DNAH5: variants seen among roughly 807,000 people sequenced by gnomAD.
DNAH5 encodes the protein axonemal beta dynein heavy chain 5.
Under a neutral mutation model 518.2 loss-of-function variants are expected in DNAH5, and 372 were observed. The ratio of observed to expected loss-of-function variants is 0.72; its 90% CI spans 0.66 to 0.78. DNAH5 has a LOEUF of 0.78. Among genes scored for constraint, DNAH5 ranks in the 30% least tolerant of loss-of-function variants. DNAH5 has a pLI of 0.00. For synonymous variants in DNAH5, 2,039 were observed against 2,025.9 expected (o/e 1.01, Z -0.17); for missense variants, 5,523 against 5,687.0 (o/e 0.97, Z 0.93).
Position 13,938,490 on chromosome 5 carries a change from G to A in DNAH5, c.57+5892C>T, listed in dbSNP as rs1481892995. Reference sequence around the variant, plus strand: ...TTATTGTTGTTGTTAATCTTTTACTGCACCTAATTTATAAGTTAAAGTTTG... The same window carrying A: ...TTATTGTTGTTGTTAATCTTTTACTACACCTAATTTATAAGTTAAAGTTTG... On this transcript the variant is annotated intron_variant, in intron 1 of 78. Transcript: ENST00000265104. 2.0e-5 allele frequency among the ~76,000 whole-genome samples: 3 copies of A among 151,232 alleles called. No homozygotes were observed. In the East Asian group the frequency reaches 5.8e-4, roughly 29 times the overall value.
At chr5:13,906,363 G>A (rs1427308689) in intron 12 of DNAH5, among the ~76,000 whole-genome samples, 1 of 151,980 alleles carries the variant, frequency 6.6e-6, no homozygotes, top group African/African-American at 2.4e-5. Flanking sequence ...GGGAGAGTAG[G>A]GGGAATATAG....
chr5:13,816,232 T>C (rs1238531298), intron 42 of DNAH5, among the ~76,000 whole-genome samples: 1 of 152,200 alleles, frequency 6.6e-6, no homozygotes, highest in Admixed American at 6.5e-5. Context: ...TACGAGGAGA[T>C]ACTTGGAGGT....
chr5:13,963,504 G>A (rs577610384), intron 1 of DNAH5, among the ~76,000 whole-genome samples: 46 of 152,008 alleles, frequency 3.0e-4, no homozygotes, highest in Admixed American at 1.6e-3. Context: ...GCTTGAACCC[G>A]GGAGGCAGAG....
At chr5:13,810,375 C>G in intron 44 of DNAH5, 115 bp from the exon 45 acceptor site, 1 of 881,498 alleles carries the variant, frequency 1.1e-6, no homozygotes, top group South Asian at 1.4e-5. Flanking sequence ...CCTCCAAGAA[C>G]AAGGGAAAGG....
At position 13,859,600 on chromosome 5, in the gene DNAH5, T is replaced by C. The variant is rs753256860; in HGVS notation, c.4802A>G (p.Asn1601Ser). The change falls in exon 30 of 79, where the codon AAT becomes AGT. Residue 1601 changes from asparagine (N) to serine (S), a missense_variant. By Grantham distance (46) the Asn-to-Ser change is conservative. Around this residue, in one of 3 missense-constraint regions of DNAH5, gnomAD observed 5,121 missense variants for 5,223.3 expected, o/e 0.98. Transcript: ENST00000265104. ...LLGSLLSNRY[N>S]MPFKAQIQKW... ...TTGAATCTGGGCTTTGAATGGCATATTGTACCTAAAATAAGAAATAGGTTT... is the reference window on the plus strand; with the variant it reads ...TTGAATCTGGGCTTTGAATGGCATACTGTACCTAAAATAAGAAATAGGTTT... 8.7e-6 allele frequency: 14 copies of C among 1,613,954 alleles called. No individual in the cohort carries two copies. Among genetic ancestry groups the C allele is most frequent in the Middle Eastern group, 1.7e-4 (1 of 6,060 alleles).
At chr5:13,936,906 G>T (rs1778975842) in intron 1 of DNAH5, among the ~76,000 whole-genome samples, 1 of 152,110 alleles carries the variant, frequency 6.6e-6, no homozygotes, top group African/African-American at 2.4e-5. Context: ...TTGTGCCTAA[G>T]CAAGGACATC....
chr5:13,923,426 G>C lies in DNAH5; in HGVS notation c.292C>G (p.Leu98Val). The stretch of plus-strand genomic sequence containing the variant: ...CCAGAAACAAGATTTACCCCTCCTA[G>C]AGAGCCAAGTTGTCCTACAAAAGCA... The part of the protein sequence containing the change: ...EEAETGQLGS[L>V]GGVNLVSGKI... The change falls in exon 4 of 79, where the codon CTA becomes GTA. Residue 98 changes from leucine to valine, a missense_variant. Around this residue, in one of 3 missense-constraint regions of DNAH5, gnomAD observed 5,121 missense variants for 5,223.3 expected, o/e 0.98. Transcript: ENST00000265104. The C allele has an allele frequency of 6.2e-7, 1 of 1,614,070 alleles. No individual in the cohort carries two copies. Among genetic ancestry groups the C allele is most frequent in the Non-Finnish European group, 8.5e-7 (1 of 1,179,970 alleles).
intron 70 of DNAH5, among the ~76,000 whole-genome samples, chr5:13,725,913 A>T (rs1186326848): frequency 1.3e-5 from 2 of 152,094 alleles, no homozygotes; most frequent in Non-Finnish European, 2.9e-5. Flanking sequence ...CAGCCTCCCA[A>T]AGTGCTGGGA....
rs909320563 is a variant in DNAH5, at chr5:13,827,469, G to A, written c.6444+2041C>T. 3.4e-5 allele frequency among the ~76,000 whole-genome samples: 5 copies of A among 147,046 alleles called. 1 individual carries two copies. The highest frequency in any genetic ancestry group is 2.0e-4 in the Admixed American group (3 of 14,644). On this transcript the variant is annotated intron_variant, in intron 38 of 78. Transcript: ENST00000265104. The stretch of plus-strand genomic sequence containing the variant: ...GGACTTGGTGCCCTGCATCCCAGCC[G>A]CTCCAGCTGAGGCTAACAATGCCTG...
chr5:13,739,659 C>CTGAT (rs1301193930), intron 65 of DNAH5, among the ~76,000 whole-genome samples: 2 of 152,232 alleles, frequency 1.3e-5, no homozygotes, highest in African/African-American at 4.8e-5. Flanking sequence ...GGACTATTCA[C>CTGAT]TGATTACATG....
At chr5:13,987,180 T>A (rs992314138) in intron 1 of DNAH5, among the ~76,000 whole-genome samples, 15 of 152,056 alleles carry the variant, frequency 9.9e-5, no homozygotes, top group Non-Finnish European at 5.9e-5. Flanking sequence ...CTCCACACTT[T>A]TCCCTCACTC....
chr5:13,852,848 G>A (rs914309499), intron 30 of DNAH5, among the ~76,000 whole-genome samples: 1 of 152,088 alleles, frequency 6.6e-6, no homozygotes, highest in Admixed American at 6.6e-5. Flanking sequence ...GGGCATCTCT[G>A]AAAAAAAGGC....
intron 47 of DNAH5, among the ~76,000 whole-genome samples, chr5:13,804,124 T>C (rs1051251894): frequency 6.6e-6 from 1 of 152,090 alleles, no homozygotes; most frequent in African/African-American, 2.4e-5. Flanking sequence ...GGGGGAAAAA[T>C]GAGGAATCTT....
Position 13,839,556 on chromosome 5 carries a change from C to G in DNAH5, c.5710-28G>C, listed in dbSNP as rs766318877. On this transcript the variant is annotated intron_variant, in intron 34 of 78. Transcript: ENST00000265104. The stretch of plus-strand genomic sequence containing the variant: ...GAAATTCAAAAGGTATATGTTAGAG[C>G]TCTGATGAGAATCACTCATTAAATA... The G allele has an allele frequency of 3.2e-6, 5 of 1,583,310 alleles. No individual in the cohort carries two copies. In the South Asian group the frequency reaches 4.4e-5, roughly 14 times the overall value.
chr5:13,725,942 G>A (rs888308710), intron 70 of DNAH5, among the ~76,000 whole-genome samples: 3 of 152,172 alleles, frequency 2.0e-5, no homozygotes, highest in South Asian at 2.1e-4. Flanking sequence ...GTGAGCCACC[G>A]CGCCTGACCT....
chr5:13,928,417 T>C (rs560548723), intron 2 of DNAH5, among the ~76,000 whole-genome samples: 1 of 152,380 alleles, frequency 6.6e-6, no homozygotes. Context: ...TTGCTACTTA[T>C]GCACATTTGA....
chr5:13,921,346 G>A (rs1023554004), intron 5 of DNAH5, among the ~76,000 whole-genome samples: 3 of 151,682 alleles, frequency 2.0e-5, no homozygotes, highest in Non-Finnish European at 4.4e-5. Flanking sequence ...ATTACCATAG[G>A]ATCCATTTCC....
At chr5:13,846,331 T>C (rs1271372798) in intron 31 of DNAH5, among the ~76,000 whole-genome samples, 1 of 152,188 alleles carries the variant, frequency 6.6e-6, no homozygotes, top group Non-Finnish European at 1.5e-5. Context: ...TTCACTTCTT[T>C]GTGAACATTG....
Position 13,902,049 on chromosome 5 carries a change from T to C in DNAH5, c.1730+4A>G. The C allele has an allele frequency of 6.3e-7, 1 of 1,581,020 alleles. No homozygotes were observed. The highest frequency in any genetic ancestry group is 8.7e-7 in the Non-Finnish European group (1 of 1,155,906). On this transcript the variant is annotated splice_donor_region_variant and intron_variant, in intron 13 of 78. Coordinates refer to ENST00000265104, the MANE Select transcript of DNAH5 (RefSeq NM_001369.3). ...GAAAATAGACAATTTCTTGAAAATT[T>C]TACCTTTCAAATTTCTTCAACATTC...
Sources: allele counts gnomAD v4.1 joint callset (sites outside exome capture counted in the v4.1 genomes callset), GRCh38; gene constraint gnomAD v4.1.1; regional missense constraint gnomAD v4.1.1; transcripts MANE v1.5; gene names NCBI Gene and HGNC (gene_info 2026-07-23, HGNC 2026-07-21).